Variants in DNMBP observed in about 807,000 individuals in gnomAD.
DNMBP encodes dynamin binding protein.
Under a neutral mutation model 150.0 loss-of-function variants are expected in DNMBP, and 87 were observed. The observed-to-expected ratio is 0.58, with a 90% CI of 0.49 to 0.69. The LOEUF (loss-of-function observed/expected upper bound fraction) is 0.69, where lower values mean the gene tolerates loss of function less well. Among genes scored for constraint, DNMBP ranks in the 30% least tolerant of loss-of-function variants. DNMBP has a pLI of 0.00. For missense variants in DNMBP, 1,774 were observed against 1,949.0 expected (o/e 0.91, Z 1.69); for synonymous variants, 711 against 750.4 (o/e 0.95, Z 0.86).
At chr10:99,934,839 C>A in intron 4 of DNMBP, among the ~76,000 whole-genome samples, 1 of 130,762 alleles carries the variant, frequency 7.6e-6, no homozygotes, top group Non-Finnish European at 1.6e-5. Flanking sequence ...TGGCTCATAC[C>A]TGAAATCCCA....
intron 1 of DNMBP, among the ~76,000 whole-genome samples, chr10:99,999,974 G>A (rs2040992232): frequency 6.6e-6 from 1 of 152,186 alleles, no homozygotes; most frequent in Admixed American, 6.5e-5. Context: ...CTACAGGATA[G>A]ACTGGGTGTG....
intron 2 of DNMBP, among the ~76,000 whole-genome samples, chr10:99,971,348 T>TCCTC (rs1268867729): frequency 6.6e-6 from 1 of 151,868 alleles, no homozygotes; most frequent in African/African-American, 2.4e-5. Context: ...TTCTTTCTCT[T>TCCTC]CCTCCCTCCC....
At chr10:99,982,849 C>T (rs1434167080) in intron 1 of DNMBP, among the ~76,000 whole-genome samples, 5 of 151,414 alleles carry the variant, frequency 3.3e-5, no homozygotes, top group African/African-American at 1.2e-4. Context: ...CTACTCAGGG[C>T]GGGGGTATGG....
At chr10:99,959,360 C>G (rs1260305957) in intron 3 of DNMBP, among the ~76,000 whole-genome samples, 2 of 152,112 alleles carry the variant, frequency 1.3e-5, no homozygotes, top group Admixed American at 1.3e-4. Flanking sequence ...GTGGTGCCCA[C>G]CTGTGGTCAC....
intron 4 of DNMBP, among the ~76,000 whole-genome samples, chr10:99,911,459 G>A (rs1360995825): frequency 6.6e-6 from 1 of 152,058 alleles, no homozygotes; most frequent in Admixed American, 6.5e-5. Flanking sequence ...CTCCAGCCTG[G>A]GAGAACAGAG....
intron 1 of DNMBP, among the ~76,000 whole-genome samples, chr10:99,974,777 AATTTTATTTATTTATGAG>A (rs2040711062): frequency 2.0e-5 from 3 of 151,436 alleles, no homozygotes; most frequent in African/African-American, 7.3e-5. Flanking sequence ...TAGCTCTGTT[AATTTTATTTATTTATGAG>A]ACAGGGTCCT....
chr10:100,005,764 C>CAAAAAAAAAAAA (rs760685767), intron 1 of DNMBP, among the ~76,000 whole-genome samples: 2 of 37,994 alleles, frequency 5.3e-5, no homozygotes, highest in Middle Eastern at 0.015. Context: ...CAAAAGTCTC[C>CAAAAAAAAAAAA]AAAAAAAAAA....
chr10:99,936,950 G>A (rs1276253603), intron 4 of DNMBP, among the ~76,000 whole-genome samples: 1 of 152,140 alleles, frequency 6.6e-6, no homozygotes, highest in African/African-American at 2.4e-5. Context: ...CCAGGCTGGA[G>A]TGCAGTGGCA....
chr10:99,990,997 A>G (rs1248909367), intron 1 of DNMBP, among the ~76,000 whole-genome samples: 2 of 152,106 alleles, frequency 1.3e-5, no homozygotes, highest in African/African-American at 2.4e-5. Context: ...TCACCCATTT[A>G]AAGTGTACAA....
chr10:99,918,937 C>T (rs1235781726), intron 4 of DNMBP, among the ~76,000 whole-genome samples: 3 of 152,110 alleles, frequency 2.0e-5, no homozygotes, highest in South Asian at 2.1e-4. Flanking sequence ...GTAAAATAAT[C>T]GACACAGCAA....
At position 99,879,101 on chromosome 10, in the gene DNMBP, A is replaced by AAAAAAAAAAAAAAAAAAAAAAAAAAAAAC. The variant is rs1554857510; in HGVS notation, c.4548+709_4548+710insGTTTTTTTTTTTTTTTTTTTTTTTTTTTT. On this transcript the variant is annotated intron_variant, in intron 16 of 16. Transcript: ENST00000324109. Reference sequence around the variant, plus strand: ...CTCTGTCTCAAAAAAAAAAAAAAAAACCCAAAACGTTTGAGATACAAAGCC... The same window carrying AAAAAAAAAAAAAAAAAAAAAAAAAAAAAC: ...CTCTGTCTCAAAAAAAAAAAAAAAAAAAAAAAAAAAAAAAAAAAAAAAAAAAAACCCCAAAACGTTTGAGATACAAAGCC... Among the ~76,000 whole-genome samples, 31 of 135,140 alleles carry AAAAAAAAAAAAAAAAAAAAAAAAAAAAAC rather than the reference A, an allele frequency of 2.3e-4. 2 individuals are homozygous for AAAAAAAAAAAAAAAAAAAAAAAAAAAAAC. The highest frequency in any genetic ancestry group is 6.6e-4 in the African/African-American group (21 of 31,700). The allele number at this position is 135,140 out of a possible 152,430, so 88.7% of individuals were successfully genotyped here. A position where few individuals can be genotyped will look rare whatever the true frequency, so the allele number is the denominator to read the frequency against.
chr10:99,909,123 A>G lies in DNMBP; in HGVS notation c.2284T>C (p.Ser762Pro). Residue 762 changes from serine (S) to proline (P), a missense_variant, in exon 5 of 17, where the codon TCT (serine) becomes CCT (proline). Physicochemically the swap from Ser to Pro is moderately conservative, Grantham distance 74. This residue lies in a region of DNMBP where 1,430 missense variants were observed against 1,492.5 expected (regional missense o/e 0.96). Coordinates refer to ENST00000324109, the MANE Select transcript of DNMBP (RefSeq NM_015221.4). ...CCAGAAGGGGCCACCAGTGATGAAG[A>G]CTGGGAGGAGAGGAGCGTCATTTCT... ...LREMTLLSSQ[S>P]SSLVAPSGSV... 2 of 1,613,938 alleles carry G rather than the reference A, an allele frequency of 1.2e-6. No homozygotes were observed. The highest frequency in any genetic ancestry group is 4.5e-5 in the East Asian group (2 of 44,886).
At chr10:99,995,614 C>T (rs1564758478) in intron 1 of DNMBP, among the ~76,000 whole-genome samples, 1 of 152,084 alleles carries the variant, frequency 6.6e-6, no homozygotes. Flanking sequence ...TTGTTGGGGG[C>T]ATTTCATGGG....
Position 99,955,406 on chromosome 10 carries a change from G to A in DNMBP, c.2068C>T (p.Pro690Ser). The A allele has an allele frequency of 1.9e-6, 3 of 1,614,134 alleles. No individual in the cohort carries two copies. The highest frequency in any genetic ancestry group is 2.5e-6 in the Non-Finnish European group (3 of 1,180,030). The change falls in exon 4 of 17, where the codon CCA becomes TCA. Residue 690 changes from proline (P) to serine (S), a missense_variant. Transcript: ENST00000324109. ...HMGRSLDQTSPCPLVLVRIEE... is the reference protein window; with the variant it reads ...HMGRSLDQTSSCPLVLVRIEE... ...ATCCTCACCAGCACTAAGGGGCATGGGGAGGTCTGGTCCAGACTCCTTCCC... is the reference window on the plus strand; with the variant it reads ...ATCCTCACCAGCACTAAGGGGCATGAGGAGGTCTGGTCCAGACTCCTTCCC...
intron 14 of DNMBP, 51 bp downstream of exon 14, chr10:99,885,636 T>C (rs1406109040): frequency 2.0e-6 from 3 of 1,496,402 alleles, no homozygotes; most frequent in South Asian, 1.3e-5. Flanking sequence ...GGCTGCAGGG[T>C]TCCCCCTCTT....
chr10:99,955,774 C>T lies in DNMBP; in HGVS notation c.1700G>A (p.Gly567Asp), dbSNP rs755012142. The T allele has an allele frequency of 1.2e-6, 2 of 1,614,230 alleles. No homozygotes were observed. The highest frequency in any genetic ancestry group is 1.7e-6 in the Non-Finnish European group (2 of 1,180,038). Residue 567 changes from glycine to aspartate, a missense_variant, in exon 4 of 17, where the codon GGC becomes GAC. This residue lies in a region of DNMBP where 1,430 missense variants were observed against 1,492.5 expected (regional missense o/e 0.96). Transcript: ENST00000324109. ...GCGTAAAATTTTATCTGGCTCTGTG[C>T]CGGGCCCTGCCAAGCTCTTCTCAAA... is the stretch of plus-strand genomic sequence containing the variant. ...IEFEKSLAGPGTEPDKILRHF... is the reference protein window; with the variant it reads ...IEFEKSLAGPDTEPDKILRHF...
At chr10:99,959,825 G>A (rs11596980) in intron 3 of DNMBP, among the ~76,000 whole-genome samples, 3,348 of 150,410 alleles carry the variant, frequency 0.022, 48 homozygotes, top group Non-Finnish European at 0.035. Context: ...ACTGCACTCC[G>A]GCCCGGGCAA....
At chr10:99,892,007 C>A (rs1332843578) in intron 11 of DNMBP, among the ~76,000 whole-genome samples, 1 of 138,472 alleles carries the variant, frequency 7.2e-6, no homozygotes, top group Non-Finnish European at 1.5e-5. Context: ...GTGAGGAGCC[C>A]CTCTGCCCGG....
intron 6 of DNMBP, among the ~76,000 whole-genome samples, chr10:99,904,277 A>G (rs2039789861): frequency 6.6e-6 from 1 of 152,106 alleles, no homozygotes. Context: ...AACACTGGAC[A>G]TGGTAAAACT....
Sources: gnomAD v4.1 joint callset for allele counts (sites outside exome capture counted in the v4.1 genomes callset) on GRCh38, gnomAD v4.1.1 for gene constraint, gnomAD v4.1.1 regional missense constraint, MANE v1.5 for transcripts, NCBI Gene and HGNC (gene_info 2026-07-23, HGNC 2026-07-21) for gene names.